AKT2: variants seen among roughly 807,000 people sequenced by gnomAD.
The protein encoded by AKT2 is AKT serine/threonine kinase 2.
AKT2 carries 16 observed loss-of-function variants against 58.6 expected under a neutral mutation model. The ratio of observed to expected loss-of-function variants is 0.27; its 90% CI spans 0.18 to 0.41. The LOEUF is 0.41. AKT2 is among the 10% of genes least tolerant of loss of function. AKT2 has a pLI of 1.00. For missense variants in AKT2, 438 were observed against 661.0 expected (o/e 0.66, Z 3.70); for synonymous variants, 253 against 254.0 (o/e 1.00, Z 0.04).
At chr19:40,246,884 G>C (rs1974785129) in intron 4 of AKT2, among the ~76,000 whole-genome samples, 1 of 152,312 alleles carries the variant, frequency 6.6e-6, no homozygotes, top group South Asian at 2.1e-4. Context: ...CCAGGGCCTG[G>C]GCCTGGGGCT....
chr19:40,270,376 T>C (rs1273664695), intron 1 of AKT2: 1 of 151,490 alleles, frequency 6.6e-6, no homozygotes, highest in Non-Finnish European at 1.5e-5. Context: ...GGGTACTTAA[T>C]AAGTATCTGT....
Position 40,234,012 on chromosome 19 carries a change from A to C in AKT2, c.1367-61T>G. On this transcript the variant is annotated intron_variant, in intron 13 of 13. Transcript: ENST00000392038. The surrounding 1 kb of genome is among the most constrained non-coding windows in gnomAD (Gnocchi z 4.7). ...AGGAGAGGGCCTGGGACACCTGCCC[A>C]GACTCCCTGGGGAAACGGCCCCAGC... 1 of 1,549,538 alleles carries C rather than the reference A, an allele frequency of 6.5e-7. No individual in the cohort carries two copies. Among genetic ancestry groups the C allele is most frequent in the East Asian group, 2.3e-5 (1 of 44,160 alleles).
At chr19:40,257,133 T>C (rs1975596182) in intron 2 of AKT2, 79 bp from the exon 3 acceptor site, 3 of 1,558,926 alleles carry the variant, frequency 1.9e-6, no homozygotes, top group Non-Finnish European at 2.6e-6. Flanking sequence ...GGAGGCCCAG[T>C]GTGACGGTGA....
chr19:40,236,603 G>T, intron 9 of AKT2: 1 of 626,210 alleles, frequency 1.6e-6, no homozygotes, highest in South Asian at 1.9e-5. Context: ...GGGAACAGCT[G>T]GGCAGGGAGA....
intron 6 of AKT2, 118 bp downstream of exon 6, chr19:40,241,820 T>G: frequency 6.8e-7 from 1 of 1,470,546 alleles, no homozygotes; most frequent in Non-Finnish European, 9.3e-7. Flanking sequence ...TAGGGGGAAT[T>G]TGTGGGGGAA....
At chr19:40,273,599 G>A (rs1268216005) in intron 1 of AKT2, 1 of 151,718 alleles carries the variant, frequency 6.6e-6, no homozygotes, top group Admixed American at 6.6e-5. Context: ...TGGAGCAGGT[G>A]GGGCTGGAGG....
chr19:40,248,159 C>T (rs560533702), intron 4 of AKT2, among the ~76,000 whole-genome samples: 109 of 152,290 alleles, frequency 7.2e-4, no homozygotes, highest in African/African-American at 2.4e-3. Context: ...TTCCTGCAGG[C>T]AACACTGGGC....
chr19:40,238,216 G>T lies in AKT2; in HGVS notation c.709-125C>A. ...CTGTATCATGAACCAGCAAGTGACA[G>T]CTAGAGGGACCAATCAAGGCAGAGC... is the stretch of plus-strand genomic sequence containing the variant. On this transcript the variant is annotated intron_variant, in intron 8 of 13. Transcript: ENST00000392038. This position sits in a 1 kb window ranked among gnomAD's most constrained non-coding sequence, Gnocchi z 5.1. 1 of 1,300,008 alleles carries T rather than the reference G, an allele frequency of 7.7e-7. No individual in the cohort carries two copies. Among genetic ancestry groups the T allele is most frequent in the Non-Finnish European group, 1.1e-6 (1 of 938,738 alleles). 80.5% of individuals were successfully genotyped at this position (1,300,008 alleles called of 1,614,324 possible).
intron 1 of AKT2, chr19:40,284,969 C>T: frequency 2.8e-6 from 1 of 363,044 alleles, no homozygotes; most frequent in Non-Finnish European, 4.9e-6. Context: ...CCCCCACCGC[C>T]TCAGTGGTAT....
At chr19:40,247,169 C>T (rs1285371473) in intron 4 of AKT2, among the ~76,000 whole-genome samples, 1 of 152,192 alleles carries the variant, frequency 6.6e-6, no homozygotes, top group African/African-American at 2.4e-5. Context: ...GGGCCTCTGT[C>T]CAGGATCCTT....
rs572670425 is a variant in AKT2, at chr19:40,242,003, G to A, written c.508C>T (p.Arg170Trp). ...TAGTAGCGGCCAGTGGCCTTCTCCC[G>A]CACCAGGATGACTTTGCCAAAGGTT... Reference protein sequence around the residue: ...KGTFGKVILVREKATGRYYAM... With the variant: ...KGTFGKVILVWEKATGRYYAM... Residue 170 changes from arginine to tryptophan, a missense_variant, in exon 6 of 14, where the codon CGG (arginine) becomes TGG (tryptophan). Arg to Trp is a moderately radical substitution (Grantham distance 101, BLOSUM62 -3). Around this residue, in one of 3 missense-constraint regions of AKT2, gnomAD observed 244 missense variants for 347.1 expected, o/e 0.70. Coordinates refer to ENST00000392038, the MANE Select transcript of AKT2 (RefSeq NM_001626.6). This position sits in a 1 kb window ranked among gnomAD's most constrained non-coding sequence, Gnocchi z 4.3. 1.6e-5 allele frequency: 26 copies of A among 1,614,222 alleles called. No individual in the cohort carries two copies. Among genetic ancestry groups the A allele is most frequent in the Admixed American group, 3.3e-5 (2 of 60,034 alleles).
chr19:40,242,605 A>G lies in AKT2; in HGVS notation c.370T>C (p.Cys124Arg), dbSNP rs1473114374. The change falls in exon 5 of 14, where the codon TGT becomes CGT. Residue 124 changes from cysteine (C) to arginine (R), a missense_variant. Physicochemically the swap from Cys to Arg is radical, Grantham distance 180. Coordinates refer to ENST00000392038, the MANE Select transcript of AKT2 (RefSeq NM_001626.6). This position sits in a 1 kb window ranked among gnomAD's most constrained non-coding sequence, Gnocchi z 4.3. Reference protein sequence around the residue: ...APGEDPMDYKCGSPSDSSTTE... With the variant: ...APGEDPMDYKRGSPSDSSTTE... ...GTGGAGGAGTCACTGGGGGAGCCAC[A>G]CTTGTAGTCCATGGGGTCCTCGCCT... 3.7e-6 allele frequency: 6 copies of G among 1,613,686 alleles called. No individual in the cohort carries two copies. The highest frequency in any genetic ancestry group is 1.1e-5 in the South Asian group (1 of 91,074).
chr19:40,240,400 C>T (rs1974320943), intron 6 of AKT2: 1 of 631,122 alleles, frequency 1.6e-6, no homozygotes, highest in Non-Finnish European at 3.0e-6. Context: ...GGGAGACAAA[C>T]AGACATCACG....
chr19:40,281,618 A>AGTTCTGACTTGATT (rs748674161), intron 1 of AKT2, among the ~76,000 whole-genome samples: 5 of 152,270 alleles, frequency 3.3e-5, no homozygotes, highest in Non-Finnish European at 7.3e-5. Flanking sequence ...TGCCCTTGTC[A>AGTTCTGACTTGATT]GTTCTGACTT....
At chr19:40,281,234 C>T (rs138391561) in intron 1 of AKT2, among the ~76,000 whole-genome samples, 54 of 152,288 alleles carry the variant, frequency 3.5e-4, no homozygotes, top group East Asian at 2.7e-3. Context: ...CATGCACCTA[C>T]GGTCCCAGCT....
Position 40,234,886 on chromosome 19 carries a change from G to A in AKT2, c.1366+159C>T. The A allele has an allele frequency of 1.3e-6, 1 of 756,662 alleles. No homozygotes were observed. The highest frequency in any genetic ancestry group is 2.3e-6 in the Non-Finnish European group (1 of 433,186). 46.9% of individuals were successfully genotyped at this position (756,662 alleles called of 1,614,324 possible). ...TCCTGGTGGCCTCACCAGGTCCAAA[G>A]AGGACCAACAGCAAAAGGGCCTGAG... is the stretch of plus-strand genomic sequence containing the variant. On this transcript the variant is annotated intron_variant, in intron 13 of 13. Coordinates refer to ENST00000392038, the MANE Select transcript of AKT2 (RefSeq NM_001626.6). This position sits in a 1 kb window ranked among gnomAD's most constrained non-coding sequence, Gnocchi z 4.7.
intron 2 of AKT2, among the ~76,000 whole-genome samples, chr19:40,260,990 A>G (rs1157688600): frequency 1.3e-5 from 2 of 152,268 alleles, no homozygotes; most frequent in Non-Finnish European, 2.9e-5. Flanking sequence ...TAAAGAAGCC[A>G]GTCACAAAAG....
chr19:40,279,874 G>A (rs1238904904), intron 1 of AKT2, among the ~76,000 whole-genome samples: 1 of 152,116 alleles, frequency 6.6e-6, no homozygotes, highest in Non-Finnish European at 1.5e-5. Context: ...TGTAAAGCGG[G>A]AATCAGAGAA....
chr19:40,234,084 G>T lies in AKT2; in HGVS notation c.1367-133C>A. 1 of 875,906 alleles carries T rather than the reference G, an allele frequency of 1.1e-6. No individual in the cohort carries two copies. Among genetic ancestry groups the T allele is most frequent in the Non-Finnish European group, 1.7e-6 (1 of 585,196 alleles). 54.3% of individuals were successfully genotyped at this position (875,906 alleles called of 1,614,324 possible). A position where few individuals can be genotyped will look rare whatever the true frequency, so the allele number is the denominator to read the frequency against. On this transcript the variant is annotated intron_variant, in intron 13 of 13. Coordinates refer to ENST00000392038, the MANE Select transcript of AKT2 (RefSeq NM_001626.6). This position sits in a 1 kb window ranked among gnomAD's most constrained non-coding sequence, Gnocchi z 4.7. ...CAGGACAGGAAAGGCCCATCCCTCC[G>T]CAATGGAGGCCCTCAGCCACGGACC...
Sources: gnomAD v4.1 joint callset for allele counts (sites outside exome capture counted in the v4.1 genomes callset) on GRCh38, gnomAD v4.1.1 for gene constraint, gnomAD v4.1.1 regional missense constraint, Gnocchi (gnomAD v3.1) non-coding constraint, MANE v1.5 for transcripts, NCBI Gene and HGNC (gene_info 2026-07-23, HGNC 2026-07-21) for gene names.